The following SCAPER variants were observed in gnomAD, a reference collection of about 807,000 sequenced individuals.
SCAPER encodes the protein S phase cyclin A-associated protein in the endoplasmic reticulum.
A neutral mutation model predicts 182.2 loss-of-function variants in SCAPER; 98 were observed. That is an observed-to-expected ratio of 0.54 (90% CI 0.46 to 0.64). The LOEUF is 0.64. Among genes scored for constraint, SCAPER ranks in the 30% least tolerant of loss-of-function variants. The pLI is 0.00. For synonymous variants in SCAPER, 605 were observed against 564.6 expected (o/e 1.07, Z -1.01); for missense variants, 1,432 against 1,690.0 (o/e 0.85, Z 2.68).
intron 7 of SCAPER, among the ~76,000 whole-genome samples, chr15:76,798,078 G>A (rs1402249211): frequency 2.0e-5 from 3 of 152,102 alleles, no homozygotes; most frequent in African/African-American, 4.8e-5. Context: ...ACATCAAAGT[G>A]GCCAGGCACA....
chr15:76,411,497 T>C (rs2045284520), intron 26 of SCAPER, among the ~76,000 whole-genome samples: 1 of 152,206 alleles, frequency 6.6e-6, no homozygotes, highest in Non-Finnish European at 1.5e-5. Flanking sequence ...ACTCAACCTG[T>C]ATGCTATGAT....
chr15:76,730,594 T>C (rs1419964016), intron 16 of SCAPER, among the ~76,000 whole-genome samples: 9 of 151,934 alleles, frequency 5.9e-5, no homozygotes, highest in Non-Finnish European at 1.0e-4. Context: ...AATAAAAAAA[T>C]TCCTCTTATA....
At chr15:76,678,853 C>T (rs1180402583) in intron 20 of SCAPER, among the ~76,000 whole-genome samples, 1 of 152,098 alleles carries the variant, frequency 6.6e-6, no homozygotes, top group Non-Finnish European at 1.5e-5. Flanking sequence ...AATTCACTAA[C>T]ATTTAATTCA....
rs2066017854 is a variant in SCAPER at position 76,804,640 on chromosome 15, G to GA, written c.394-8dup. ...CCAGCATCATTAGCACCTCCTAAAA[G>GA]AAACAAAACAAAAAAAAATTAAATT... On this transcript the variant is annotated splice_region_variant and splice_polypyrimidine_tract_variant and intron_variant, in intron 5 of 31. Transcript: ENST00000563290. 4 of 1,535,762 alleles carry GA rather than the reference G, an allele frequency of 2.6e-6. No homozygotes were observed. Among genetic ancestry groups the GA allele is most frequent in the Admixed American group, 2.0e-5 (1 of 50,764 alleles).
intron 22 of SCAPER, among the ~76,000 whole-genome samples, chr15:76,596,325 C>T (rs62030419): frequency 1.5e-5 from 1 of 67,666 alleles, no homozygotes; most frequent in South Asian, 5.0e-4. Context: ...AGCCTACCAA[C>T]CAAAAAAAAA....
At chr15:76,437,049 G>A (rs1184433735) in intron 25 of SCAPER, among the ~76,000 whole-genome samples, 1 of 152,110 alleles carries the variant, frequency 6.6e-6, no homozygotes, top group Non-Finnish European at 1.5e-5. Flanking sequence ...CTTTGTTTTT[G>A]TATGGCTGTG....
intron 23 of SCAPER, among the ~76,000 whole-genome samples, chr15:76,507,078 C>A (rs1460146461): frequency 3.3e-5 from 5 of 152,100 alleles, no homozygotes; most frequent in Admixed American, 3.3e-4. Context: ...CCTCAAAATT[C>A]ATATGTGGAG....
At chr15:76,790,371 G>A (rs1216069746) in intron 8 of SCAPER, among the ~76,000 whole-genome samples, 3 of 152,048 alleles carry the variant, frequency 2.0e-5, no homozygotes, top group Non-Finnish European at 4.4e-5. Context: ...TAAGATTCAC[G>A]TTATTTTTAC....
At chr15:76,588,833 C>T (rs570301160) in intron 22 of SCAPER, among the ~76,000 whole-genome samples, 4 of 152,092 alleles carry the variant, frequency 2.6e-5, no homozygotes, top group Non-Finnish European at 5.9e-5. Flanking sequence ...TGCCATATTA[C>T]CAGAATTGTT....
intron 4 of SCAPER, among the ~76,000 whole-genome samples, chr15:76,845,678 A>G (rs963838100): frequency 1.3e-5 from 2 of 152,100 alleles, no homozygotes; most frequent in African/African-American, 4.8e-5. Context: ...GAATACACTG[A>G]TAAAAGAAAT....
At chr15:76,743,147 G>A (rs748867109) in intron 15 of SCAPER, among the ~76,000 whole-genome samples, 4 of 152,024 alleles carry the variant, frequency 2.6e-5, no homozygotes, top group Admixed American at 6.5e-5. Flanking sequence ...AGTCAGAACC[G>A]AAGTCCAAGT....
At chr15:76,902,496 TA>T (rs1210211819) in intron 1 of SCAPER, among the ~76,000 whole-genome samples, 4 of 152,228 alleles carry the variant, frequency 2.6e-5, no homozygotes, top group Non-Finnish European at 4.4e-5. Flanking sequence ...AATTTTTTTT[TA>T]AAAAAAGGTT....
At chr15:76,833,969 A>G (rs1164404298) in intron 5 of SCAPER, among the ~76,000 whole-genome samples, 1 of 152,218 alleles carries the variant, frequency 6.6e-6, no homozygotes, top group Non-Finnish European at 1.5e-5. Context: ...ATTAACAAAG[A>G]TATTAAGGAC....
chr15:76,472,133 C>T (rs1339494502), intron 24 of SCAPER: 4 of 362,518 alleles, frequency 1.1e-5, no homozygotes, highest in South Asian at 2.2e-5. Flanking sequence ...ATGCTACAGG[C>T]AATAGAGCCA....
chr15:76,465,869 G>A (rs1227312872), intron 25 of SCAPER, among the ~76,000 whole-genome samples: 2 of 152,074 alleles, frequency 1.3e-5, no homozygotes, highest in Non-Finnish European at 2.9e-5. Context: ...TCAAAGATCA[G>A]TTAATTGGCC....
At chr15:76,619,170 T>G (rs1313553976) in intron 22 of SCAPER, among the ~76,000 whole-genome samples, 1 of 152,182 alleles carries the variant, frequency 6.6e-6, no homozygotes. Context: ...TAAACTAGTT[T>G]GCATTTTCTA....
At chr15:76,611,528 C>G (rs2050990266) in intron 22 of SCAPER, among the ~76,000 whole-genome samples, 1 of 152,076 alleles carries the variant, frequency 6.6e-6, no homozygotes, top group Non-Finnish European at 1.5e-5. Context: ...ATTCCTACTG[C>G]AACTATTGCA....
chr15:76,419,888 A>AC (rs2045908710), intron 26 of SCAPER, among the ~76,000 whole-genome samples: 1 of 152,224 alleles, frequency 6.6e-6, no homozygotes. Context: ...AAAATTCTCA[A>AC]CAAGATACTA....
At chr15:76,514,474 G>A (rs1196723267) in intron 23 of SCAPER, among the ~76,000 whole-genome samples, 1 of 152,218 alleles carries the variant, frequency 6.6e-6, no homozygotes, top group African/African-American at 2.4e-5. Context: ...AATCAAAGAA[G>A]AGGCAGCTGT....
Sources: allele counts gnomAD v4.1 joint callset (sites outside exome capture counted in the v4.1 genomes callset), GRCh38; gene constraint gnomAD v4.1.1; transcripts MANE v1.5; gene names NCBI Gene and HGNC (gene_info 2026-07-23, HGNC 2026-07-21).